CACNA1C: variants seen among roughly 807,000 people sequenced by gnomAD.
The protein encoded by CACNA1C is calcium voltage-gated channel subunit alpha1 C, also known as voltage-dependent L-type calcium channel subunit alpha-1C.
In CACNA1C, 30 loss-of-function variants were observed where a neutral mutation model predicts 229.0. The observed-to-expected ratio is 0.13, with a 90% CI of 0.10 to 0.18. CACNA1C has a LOEUF of 0.18. CACNA1C is among the 10% of genes least tolerant of loss of function. The pLI is 1.00. For synonymous variants in CACNA1C, 1,114 were observed against 1,132.5 expected (o/e 0.98, Z 0.33); for missense variants, 1,658 against 2,845.0 (o/e 0.58, Z 9.49).
chr12:2,380,377 A>G (rs191437329), intron 3 of CACNA1C, among the ~76,000 whole-genome samples: 1 of 152,322 alleles, frequency 6.6e-6, no homozygotes, highest in East Asian at 1.9e-4. Context: ...GAGGTGACTA[A>G]AAAGCAGTAC....
chr12:2,518,607 C>CAAAAAAAAAAA (rs749239155), intron 9 of CACNA1C, among the ~76,000 whole-genome samples: 11 of 102,926 alleles, frequency 1.1e-4, no homozygotes, highest in African/African-American at 4.1e-4. Flanking sequence ...GACGCTGTCT[C>CAAAAAAAAAAA]AAAAAAAAAA....
At chr12:2,667,253 T>A (rs1468872) in intron 37 of CACNA1C, among the ~76,000 whole-genome samples, 129,564 of 146,464 alleles carry the variant, frequency 0.88, 57,741 homozygotes, top group Non-Finnish European at 0.96. Flanking sequence ...TGTCGTTTCC[T>A]TTTCTCCCTC....
intron 3 of CACNA1C, among the ~76,000 whole-genome samples, chr12:2,244,420 C>T (rs527465717): frequency 5.3e-5 from 8 of 152,344 alleles, no homozygotes; most frequent in African/African-American, 1.9e-4. Context: ...GCCAGGTGAA[C>T]ACAGACCTCA....
intron 29 of CACNA1C, among the ~76,000 whole-genome samples, chr12:2,619,264 G>A (rs990881621): frequency 1.7e-4 from 26 of 152,188 alleles, no homozygotes; most frequent in African/African-American, 6.3e-4. Flanking sequence ...GAGACTGAGT[G>A]AGGTCATATC....
chr12:2,341,612 C>T (rs1267749171), intron 3 of CACNA1C, among the ~76,000 whole-genome samples: 1 of 152,240 alleles, frequency 6.6e-6, no homozygotes, highest in Non-Finnish European at 1.5e-5. Flanking sequence ...TAGCAGATGT[C>T]TGTCATTGTC....
At chr12:2,440,991 A>C (rs1352751352) in intron 3 of CACNA1C, among the ~76,000 whole-genome samples, 1 of 152,224 alleles carries the variant, frequency 6.6e-6, no homozygotes. Flanking sequence ...CAGACAGAGA[A>C]TAGGCAGGAA....
intron 3 of CACNA1C, among the ~76,000 whole-genome samples, chr12:2,419,466 G>A (rs1019642067): frequency 1.3e-5 from 2 of 152,250 alleles, no homozygotes; most frequent in South Asian, 4.2e-4. Flanking sequence ...CAGTGTTGGG[G>A]ATGACATTTC....
intron 1 of CACNA1C, among the ~76,000 whole-genome samples, chr12:2,013,310 A>G (rs565669628): frequency 6.4e-4 from 98 of 152,310 alleles, no homozygotes; most frequent in African/African-American, 2.0e-3. Flanking sequence ...CTAGGTCTCC[A>G]TGAGTGTTTA....
chr12:2,198,436 C>T (rs563599337), intron 3 of CACNA1C, among the ~76,000 whole-genome samples: 1 of 152,092 alleles, frequency 6.6e-6, no homozygotes, highest in Non-Finnish European at 1.5e-5. Flanking sequence ...GATGACTCAC[C>T]GTTTAACAAT....
In CACNA1C at chr12:2,513,013, G is replaced by T. The variant is rs753069032; in HGVS notation, c.1390+29G>T. 1.9e-6 allele frequency: 3 copies of T among 1,562,702 alleles called. No homozygotes were observed. In the African/African-American group the frequency reaches 4.1e-5, roughly 21 times the overall value. The stretch of plus-strand genomic sequence containing the variant: ...AGCAGCCGTCTTCTTCTGTGTTTGG[G>T]CTGGGTTCTGGGGGAGAGGAGACAG... On this transcript the variant is annotated intron_variant, in intron 9 of 46. Coordinates refer to ENST00000399655, the MANE Select transcript of CACNA1C (RefSeq NM_000719.7).
At chr12:2,516,503 G>A (rs1275401344) in intron 9 of CACNA1C, among the ~76,000 whole-genome samples, 1 of 152,176 alleles carries the variant, frequency 6.6e-6, no homozygotes, top group Admixed American at 6.5e-5. Flanking sequence ...AGAGGCAGGG[G>A]TCCCGTCAGG....
At chr12:2,536,115 C>T (rs971587189) in intron 9 of CACNA1C, among the ~76,000 whole-genome samples, 5 of 152,212 alleles carry the variant, frequency 3.3e-5, no homozygotes, top group African/African-American at 7.2e-5. Context: ...TGGCTGTTCA[C>T]GGCCTTCAAG....
intron 4 of CACNA1C, among the ~76,000 whole-genome samples, chr12:2,451,026 T>TTGC (rs559102807): frequency 4.8e-4 from 73 of 152,316 alleles, no homozygotes; most frequent in Middle Eastern, 3.4e-3. Context: ...GTTGTTGTTG[T>TTGC]TGCCTTATTT....
intron 2 of CACNA1C, among the ~76,000 whole-genome samples, chr12:2,119,085 T>C (rs988534648): frequency 6.6e-6 from 1 of 152,100 alleles, no homozygotes; most frequent in African/African-American, 2.4e-5. Context: ...ACACTGGACT[T>C]GGTGATCGGG....
intron 1 of CACNA1C, among the ~76,000 whole-genome samples, chr12:2,062,973 C>T (rs1029864113): frequency 6.6e-6 from 1 of 151,934 alleles, no homozygotes; most frequent in Non-Finnish European, 1.5e-5. Flanking sequence ...TAAAATTTAC[C>T]CTTTTGATGT....
At chr12:2,277,499 C>CA (rs1236451849) in intron 3 of CACNA1C, among the ~76,000 whole-genome samples, 2 of 151,608 alleles carry the variant, frequency 1.3e-5, no homozygotes, top group Non-Finnish European at 2.9e-5. Context: ...TGCTCTCTAA[C>CA]AAAAAAACCC....
intron 1 of CACNA1C, among the ~76,000 whole-genome samples, chr12:1,978,689 C>A (rs1228717274): frequency 6.6e-6 from 1 of 152,164 alleles, no homozygotes; most frequent in African/African-American, 2.4e-5. Flanking sequence ...ACTTCCACCA[C>A]CAGCCCCAGC....
intron 3 of CACNA1C, among the ~76,000 whole-genome samples, chr12:2,323,510 G>A (rs1319337254): frequency 1.3e-5 from 2 of 152,130 alleles, no homozygotes; most frequent in South Asian, 4.1e-4. Flanking sequence ...GACCCACATA[G>A]GAGGCGGGAT....
chr12:2,068,470 C>T lies in CACNA1C; in HGVS notation c.49+14859C>T, dbSNP rs932732782. Among the ~76,000 whole-genome samples the T allele has an allele frequency of 6.6e-5, 10 of 152,302 alleles. No homozygotes were observed. In the South Asian group the frequency reaches 8.3e-4, roughly 13 times the overall value. ...TGCACCTCACTCAAATTCTCTGCAG[C>T]GGCCAGAGCCCCTGCATCCATTCTT... On this transcript the variant is annotated intron_variant, in intron 1 of 46. Coordinates refer to ENST00000399655, the MANE Select transcript of CACNA1C (RefSeq NM_000719.7).
Sources: gnomAD v4.1 joint callset for allele counts (sites outside exome capture counted in the v4.1 genomes callset) on GRCh38, gnomAD v4.1.1 for gene constraint, MANE v1.5 for transcripts, NCBI Gene and HGNC (gene_info 2026-07-23, HGNC 2026-07-21) for gene names.